The following VAPA variants were observed in gnomAD, a reference collection of about 807,000 sequenced individuals.
VAPA encodes the protein VAMP associated protein A, also known as vesicle-associated membrane protein-associated protein A.
In VAPA, 6 loss-of-function variants were observed where a neutral mutation model predicts 25.6. The observed-to-expected ratio is 0.23, with a 90% CI of 0.13 to 0.46. VAPA has a LOEUF of 0.46. Ranked by LOEUF, VAPA falls within the 20% of genes least tolerant of loss-of-function variation. VAPA has a pLI of 0.99. For synonymous variants in VAPA, 112 were observed against 106.2 expected (o/e 1.05, Z -0.34); for missense variants, 244 against 302.1 (o/e 0.81, Z 1.43).
rs1326894997 is a variant in VAPA, at chr18:9,954,100, A to T, written c.639A>T (p.Gly213=). 2 of 1,614,124 alleles carry T rather than the reference A, an allele frequency of 1.2e-6. No homozygotes were observed. Among genetic ancestry groups the T allele is most frequent in the Non-Finnish European group, 8.5e-7 (1 of 1,180,008 alleles). The change falls in exon 6 of 6, where the codon GGA becomes GGT. Residue 213 remains glycine (G), a synonymous_variant. Transcript: ENST00000400000. ...AGGTAGCACATTCGGATAAACCTGG[A>T]TCAACCTCAACTGCATCCTTCAGAG... ...LRKVAHSDKP[G]STSTASFRDN...
rs200828821 is a variant in VAPA at position 9,954,110 on chromosome 18, A to T, written c.649A>T (p.Thr217Ser). ...AHSDKPGSTS[T>S]ASFRDNVTSP... ...TTCGGATAAACCTGGATCAACCTCA[A>T]CTGCATCCTTCAGAGATAATGTCAC... Residue 217 changes from threonine (T) to serine (S), a missense_variant, in exon 6 of 6, where the codon ACT (threonine) becomes TCT (serine). Physicochemically the swap from Thr to Ser is moderately conservative, Grantham distance 58 (BLOSUM62 1). Coordinates refer to ENST00000400000, the MANE Select transcript of VAPA (RefSeq NM_194434.3). 623 of 1,614,122 alleles carry T rather than the reference A, an allele frequency of 3.9e-4. 4 individuals carry two copies. In the African/African-American group the frequency reaches 7.3e-3, roughly 19 times the overall value.
chr18:9,935,401 T>C (rs2069299056), intron 2 of VAPA, among the ~76,000 whole-genome samples: 1 of 152,052 alleles, frequency 6.6e-6, no homozygotes, highest in African/African-American at 2.4e-5. Context: ...ACGAAAACCC[T>C]TTCTCTACAA....
intron 2 of VAPA, among the ~76,000 whole-genome samples, chr18:9,934,308 G>T (rs911633757): frequency 6.6e-6 from 1 of 152,120 alleles, no homozygotes; most frequent in African/African-American, 2.4e-5. Flanking sequence ...TTGTTATGTG[G>T]TCTGCAACCT....
At chr18:9,924,561 A>G (rs2069184170) in intron 1 of VAPA, among the ~76,000 whole-genome samples, 1 of 152,222 alleles carries the variant, frequency 6.6e-6, no homozygotes, top group Non-Finnish European at 1.5e-5. Context: ...CAGACTGAGC[A>G]GTGTATGCAT....
intron 4 of VAPA, among the ~76,000 whole-genome samples, chr18:9,941,911 A>C (rs2069369690): frequency 6.6e-6 from 1 of 152,248 alleles, no homozygotes; most frequent in Non-Finnish European, 1.5e-5. Context: ...ATTTTTTAAA[A>C]GTATAGAGTA....
Position 9,956,268 on chromosome 18 carries a change from C to G in VAPA, c.*2057C>G, listed in dbSNP as rs1283824699. On this transcript the variant is annotated 3_prime_UTR_variant, in exon 6 of 6. Coordinates refer to ENST00000400000, the MANE Select transcript of VAPA (RefSeq NM_194434.3). Reference sequence around the variant, plus strand: ...ACTCTAGCTCAGTGTCTTCTGGTAACTGTTGAAAATTGTCTTAGTTTGAGA... The same window carrying G: ...ACTCTAGCTCAGTGTCTTCTGGTAAGTGTTGAAAATTGTCTTAGTTTGAGA... 3 of 152,074 alleles carry G rather than the reference C, an allele frequency of 2.0e-5. No individual in the cohort carries two copies. The highest frequency in any genetic ancestry group is 4.4e-5 in the Non-Finnish European group (3 of 68,026). The allele number at this position is 152,074 out of a possible 1,614,324, so 9.4% of individuals were successfully genotyped here.
chr18:9,944,949 C>T lies in VAPA; in HGVS notation c.418-5446C>T, dbSNP rs776811459. ...GGTATAACTCCACCAGGGAATGCTC[C>T]GACTGTCACTTCAATGAGCAGCATC... On this transcript the variant is annotated intron_variant, in intron 4 of 5. Transcript: ENST00000400000. 18 of 1,613,990 alleles carry T rather than the reference C, an allele frequency of 1.1e-5. No individual in the cohort carries two copies. Among genetic ancestry groups the T allele is most frequent in the South Asian group, 9.9e-5 (9 of 91,080 alleles).
At chr18:9,948,233 C>G (rs945595956) in intron 4 of VAPA, 3 of 152,086 alleles carry the variant, frequency 2.0e-5, no homozygotes, top group African/African-American at 7.2e-5. Flanking sequence ...TTAGAAAAAT[C>G]TAAATCTAAT....
chr18:9,928,777 C>T (rs925458125), intron 1 of VAPA, among the ~76,000 whole-genome samples: 23 of 152,118 alleles, frequency 1.5e-4, no homozygotes, highest in African/African-American at 5.3e-4. Flanking sequence ...CGTGACTACA[C>T]TAGAAGACAT....
At chr18:9,919,110 T>C (rs537963811) in intron 1 of VAPA, among the ~76,000 whole-genome samples, 3 of 152,330 alleles carry the variant, frequency 2.0e-5, no homozygotes, top group Non-Finnish European at 2.9e-5. Flanking sequence ...CTCGAACTCC[T>C]GACCTTGCGT....
chr18:9,947,380 A>G (rs1468186117), intron 4 of VAPA, among the ~76,000 whole-genome samples: 1 of 152,204 alleles, frequency 6.6e-6, no homozygotes, highest in South Asian at 2.1e-4. Context: ...ATAAGACCTC[A>G]CTAGGTAATA....
Position 9,914,346 on chromosome 18 carries a change from C to T in VAPA, c.79+11C>T. The T allele has an allele frequency of 1.3e-6, 2 of 1,570,860 alleles. No individual in the cohort carries two copies. Among genetic ancestry groups the T allele is most frequent in the Non-Finnish European group, 1.7e-6 (2 of 1,160,912 alleles). On this transcript the variant is annotated intron_variant, in intron 1 of 5. Transcript: ENST00000400000. ...ACCTCAAATTCAAAGGTAGGCAGAA[C>T]GGGGACACCCCCGGGTGGGGTGGGG...
At chr18:9,915,402 G>C (rs1375182046) in intron 1 of VAPA, among the ~76,000 whole-genome samples, 1 of 152,176 alleles carries the variant, frequency 6.6e-6, no homozygotes, top group African/African-American at 2.4e-5. Flanking sequence ...TCAATATGTA[G>C]TGTACTTTAG....
chr18:9,942,630 A>AGGGC (rs1367541356), intron 4 of VAPA, among the ~76,000 whole-genome samples: 1 of 152,214 alleles, frequency 6.6e-6, no homozygotes, highest in Non-Finnish European at 1.5e-5. Flanking sequence ...TACAGGAAGC[A>AGGGC]GGGCGGCTTC....
intron 1 of VAPA, among the ~76,000 whole-genome samples, chr18:9,921,340 AAAGT>A (rs1420206725): frequency 2.6e-5 from 4 of 152,180 alleles, no homozygotes; most frequent in African/African-American, 9.7e-5. Context: ...TTTCATTTGT[AAAGT>A]AAGAGGTTAG....
chr18:9,938,499 C>A (rs1251877430), intron 4 of VAPA, among the ~76,000 whole-genome samples: 5 of 151,980 alleles, frequency 3.3e-5, no homozygotes, highest in African/African-American at 1.2e-4. Context: ...CCATAGTTAT[C>A]CAAGAAAGTA....
chr18:9,930,400 G>GA (rs2069241908), intron 1 of VAPA, among the ~76,000 whole-genome samples: 1 of 152,070 alleles, frequency 6.6e-6, no homozygotes, highest in South Asian at 2.1e-4. Flanking sequence ...ATGGGTTTGA[G>GA]AATGTTAAGA....
intron 1 of VAPA, among the ~76,000 whole-genome samples, chr18:9,918,844 A>G (rs1340508613): frequency 2.6e-5 from 4 of 152,360 alleles, no homozygotes; most frequent in South Asian, 4.1e-4. Context: ...ATGATATTCT[A>G]AACTCAAAAT....
intron 5 of VAPA, 38 bp from the exon 6 acceptor site, chr18:9,954,015 G>A (rs768130457): frequency 6.2e-7 from 1 of 1,609,892 alleles, no homozygotes; most frequent in Non-Finnish European, 8.5e-7. Context: ...TAGTATGCTT[G>A]TTTTTAAAAA....
Sources: gnomAD v4.1 joint callset for allele counts (sites outside exome capture counted in the v4.1 genomes callset) on GRCh38, gnomAD v4.1.1 for gene constraint, MANE v1.5 for transcripts, NCBI Gene and HGNC (gene_info 2026-07-23, HGNC 2026-07-21) for gene names.